CMIP: variants seen among roughly 807,000 people sequenced by gnomAD.
The protein encoded by CMIP is C-Maf-inducing protein.
Under a neutral mutation model 97.3 loss-of-function variants are expected in CMIP, and 13 were observed. That is an observed-to-expected ratio of 0.13 (90% CI 0.09 to 0.21). The LOEUF (loss-of-function observed/expected upper bound fraction) is 0.21, where lower values mean the gene tolerates loss of function less well. Ranked by LOEUF, CMIP falls within the 10% of genes least tolerant of loss-of-function variation. CMIP has a pLI of 1.00. For missense variants in CMIP, 847 were observed against 1,024.9 expected, an observed-to-expected ratio of 0.83 and a Z score of 2.37; for synonymous variants, 538 against 436.3, an observed-to-expected ratio of 1.23 and a Z score of -2.91.
intron 1 of CMIP, among the ~76,000 whole-genome samples, chr16:81,560,451 C>G (rs1037388542): frequency 1.3e-5 from 2 of 152,140 alleles, no homozygotes; most frequent in Non-Finnish European, 2.9e-5. Flanking sequence ...ATCTCCTGAC[C>G]TCGTGATCCG....
At position 81,457,846 on chromosome 16, in the gene CMIP, C is replaced by T. The variant is rs555004975; in HGVS notation, c.300+12305C>T. Among the ~76,000 whole-genome samples the T allele has an allele frequency of 2.6e-5, 4 of 152,308 alleles. No homozygotes were observed. In the East Asian group the frequency reaches 5.8e-4, roughly 22 times the overall value. ...TCCCCATGTCTGGCATGGTGTGGGG[C>T]CAAGAGCCGGTGGGCCACGGCACCC... On this transcript the variant is annotated intron_variant, in intron 1 of 20. Coordinates refer to ENST00000537098, the MANE Select transcript of CMIP (RefSeq NM_198390.3).
At chr16:81,645,353 TG>T in intron 3 of CMIP, 4 of 1,414,662 alleles carry the variant, frequency 2.8e-6, no homozygotes, top group Non-Finnish European at 3.7e-6. Flanking sequence ...CATGCGTGCT[TG>T]GGTGTGTACG....
intron 1 of CMIP, among the ~76,000 whole-genome samples, chr16:81,566,145 GC>G (rs1353241686): frequency 6.6e-6 from 1 of 152,252 alleles, no homozygotes; most frequent in African/African-American, 2.4e-5. Flanking sequence ...AGACAGAGGT[GC>G]TTCAGATTGG....
Position 81,692,806 on chromosome 16 carries a change from C to G in CMIP, c.1455-352C>G, listed in dbSNP as rs1050427076. 5.9e-5 allele frequency among the ~76,000 whole-genome samples: 9 copies of G among 152,328 alleles called. No homozygotes were observed. In the Middle Eastern group the frequency reaches 0.01, roughly 173 times the overall value. ...CTGATGTGTGCAGTAATGAGTGCCG[C>G]CCGCCTTAATCGTGGAACAATTAAT... On this transcript the variant is annotated intron_variant, in intron 11 of 20. Transcript: ENST00000537098.
At chr16:81,446,749 A>G (rs572077168) in intron 1 of CMIP, among the ~76,000 whole-genome samples, 49 of 152,210 alleles carry the variant, frequency 3.2e-4, no homozygotes, top group Admixed American at 1.8e-3. Flanking sequence ...CCTGGCATCC[A>G]TGTTCCCTTG....
At chr16:81,632,327 G>A (rs2092173918) in intron 3 of CMIP, among the ~76,000 whole-genome samples, 1 of 152,228 alleles carries the variant, frequency 6.6e-6, no homozygotes, top group African/African-American at 2.4e-5. Flanking sequence ...CCCCTAGGCA[G>A]TCACTGTTAG....
intron 5 of CMIP, among the ~76,000 whole-genome samples, chr16:81,659,454 G>A (rs35193158): frequency 5.3e-4 from 81 of 152,292 alleles, no homozygotes; most frequent in Non-Finnish European, 1.1e-3. Context: ...GGTGACCAAG[G>A]TGAATCTTAA....
At chr16:81,660,788 T>C in intron 5 of CMIP, 96 bp from the exon 6 acceptor site, 4 of 1,337,982 alleles carry the variant, frequency 3.0e-6, no homozygotes, top group South Asian at 2.3e-5. Context: ...GCTCTGCATT[T>C]ATTTTTTTCA....
chr16:81,705,633 G>A (rs1295518209), intron 19 of CMIP, 29 bp downstream of exon 19: 7 of 1,444,324 alleles, frequency 4.8e-6, no homozygotes, highest in African/African-American at 1.4e-5. Flanking sequence ...GCTGGGGGGT[G>A]AGGGGCCGCT....
intron 1 of CMIP, among the ~76,000 whole-genome samples, chr16:81,491,704 TG>T (rs1343729163): frequency 6.6e-6 from 1 of 152,240 alleles, no homozygotes; most frequent in African/African-American, 2.4e-5. Context: ...CACAATCACG[TG>T]GATCTGGATC....
intron 1 of CMIP, among the ~76,000 whole-genome samples, chr16:81,499,812 C>G (rs898418752): frequency 6.6e-6 from 1 of 152,226 alleles, no homozygotes; most frequent in African/African-American, 2.4e-5. Flanking sequence ...CCGGTCCTGC[C>G]CAGCAACTCG....
chr16:81,445,853 G>T (rs140628924), intron 1 of CMIP, among the ~76,000 whole-genome samples: 1 of 151,834 alleles, frequency 6.6e-6, no homozygotes, highest in African/African-American at 2.4e-5. Flanking sequence ...GGGACTCGAG[G>T]ATGGACCCGA....
chr16:81,635,693 T>G (rs1347020233), intron 3 of CMIP, among the ~76,000 whole-genome samples: 1 of 152,212 alleles, frequency 6.6e-6, no homozygotes, highest in East Asian at 1.9e-4. Context: ...GATGAAATGA[T>G]AGACGTCAAG....
chr16:81,569,945 TTTCA>T (rs71146021), intron 1 of CMIP, among the ~76,000 whole-genome samples: 66,801 of 150,796 alleles, frequency 0.44, 18,056 homozygotes, highest in Non-Finnish European at 0.59. Context: ...TGCACTTAAC[TTTCA>T]TTCATTCATT....
intron 1 of CMIP, chr16:81,476,599 T>C (rs1010839954): frequency 1.7e-5 from 8 of 459,978 alleles, no homozygotes; most frequent in African/African-American, 4.0e-5. Flanking sequence ...TTCATATAAA[T>C]AGTATCATTA....
intron 1 of CMIP, among the ~76,000 whole-genome samples, chr16:81,546,736 G>T (rs1347403319): frequency 6.6e-6 from 1 of 152,188 alleles, no homozygotes; most frequent in African/African-American, 2.4e-5. Flanking sequence ...TTGTTCAGGG[G>T]GTGTGGAGCA....
intron 1 of CMIP, among the ~76,000 whole-genome samples, chr16:81,545,231 T>C (rs2090523686): frequency 6.6e-6 from 1 of 152,180 alleles, no homozygotes; most frequent in Admixed American, 6.5e-5. Flanking sequence ...TGACCACAGG[T>C]ACTGTGGTGT....
intron 10 of CMIP, among the ~76,000 whole-genome samples, chr16:81,688,684 G>A (rs1443113975): frequency 6.6e-6 from 1 of 152,052 alleles, no homozygotes; most frequent in African/African-American, 2.4e-5. Context: ...TATACTTTAA[G>A]TTCTAGGGTA....
intron 1 of CMIP, among the ~76,000 whole-genome samples, chr16:81,537,546 CA>C (rs397695977): frequency 0.26 from 21,577 of 81,826 alleles, 1,493 homozygotes; most frequent in Non-Finnish European, 0.32. Flanking sequence ...AAAAAAAAGA[CA>C]AAAAAAAAAA....
Sources: gnomAD v4.1 joint callset for allele counts (sites outside exome capture counted in the v4.1 genomes callset) on GRCh38, gnomAD v4.1.1 for gene constraint, MANE v1.5 for transcripts, NCBI Gene and HGNC (gene_info 2026-07-23, HGNC 2026-07-21) for gene names.